Variants in OTOA observed in about 807,000 individuals in gnomAD.
The protein encoded by OTOA is cancer/testis antigen 108.
A neutral mutation model predicts 110.8 loss-of-function variants in OTOA; 70 were observed. That is an observed-to-expected ratio of 0.63 (90% CI 0.52 to 0.77). The LOEUF is 0.77. Ranked by LOEUF, OTOA falls within the 30% of genes least tolerant of loss-of-function variation. The pLI is 0.00. For synonymous variants in OTOA, 373 were observed against 431.5 expected, an observed-to-expected ratio of 0.86 and a Z score of 1.68; for missense variants, 917 against 1,075.8, an observed-to-expected ratio of 0.85 and a Z score of 2.06.
intron 18 of OTOA, among the ~76,000 whole-genome samples, chr16:21,724,305 G>A (rs1258820264): frequency 6.6e-6 from 1 of 152,148 alleles, no homozygotes; most frequent in African/African-American, 2.4e-5. Flanking sequence ...GAGAGACAGG[G>A]GAGACCGAAC....
At chr16:21,697,037 CTTTTTTTTTTTT>C (rs56124254) in intron 9 of OTOA, among the ~76,000 whole-genome samples, 3 of 65,034 alleles carry the variant, frequency 4.6e-5, no homozygotes, top group Non-Finnish European at 5.3e-5. Flanking sequence ...CTACAGCTGG[CTTTTTTTTTTTT>C]TTTTTTTTTT....
intron 1 of OTOA, among the ~76,000 whole-genome samples, chr16:21,666,287 A>G (rs1248896476): frequency 6.9e-6 from 1 of 144,214 alleles, no homozygotes; most frequent in Non-Finnish European, 1.5e-5. Flanking sequence ...AGCTAGTGTC[A>G]GTATGCCTAG....
intron 1 of OTOA, among the ~76,000 whole-genome samples, chr16:21,674,896 CTTTTTTTTTTT>C (rs60269668): frequency 3.4e-5 from 1 of 29,786 alleles, no homozygotes; most frequent in East Asian, 1.4e-3. Context: ...TTTTAAAAAT[CTTTTTTTTTTT>C]TTTTTTTTTT....
intron 11 of OTOA, 70 bp from the exon 12 acceptor site, chr16:21,705,099 A>G: frequency 6.2e-7 from 1 of 1,612,078 alleles, no homozygotes. Context: ...ATTTTATTAC[A>G]CAAAATTGAA....
Position 21,697,873 on chromosome 16 carries a change from GAAGT to G in OTOA, c.840+3_840+6del, listed in dbSNP as rs1567373874. The G allele has an allele frequency of 1.2e-6, 2 of 1,612,356 alleles. No individual in the cohort carries two copies. Among genetic ancestry groups the G allele is most frequent in the East Asian group, 2.2e-5 (1 of 44,862 alleles). On this transcript the variant is annotated splice_donor_variant and coding_sequence_variant, in exon 10 of 29. Coordinates refer to ENST00000646100, the MANE Select transcript of OTOA (RefSeq NM_144672.4). LOFTEE classifies it high-confidence loss of function. ...AGAAATTACGAAAATTAGTCCTATA[GAAGT>G]AAGTTGGAAAAGTACATTTATATGT...
At chr16:21,758,496 G>A (rs1400523605) in intron 28 of OTOA, among the ~76,000 whole-genome samples, 5 of 148,394 alleles carry the variant, frequency 3.4e-5, no homozygotes, top group East Asian at 2.0e-4. Flanking sequence ...AGTAGGTACC[G>A]GCATGGGCAA....
In OTOA at chr16:21,736,285, G is replaced by A. The variant is rs748833245; in HGVS notation, c.2326G>A (p.Ala776Thr). 6 of 1,613,818 alleles carry A rather than the reference G, an allele frequency of 3.7e-6. No homozygotes were observed. In the Admixed American group the frequency reaches 1.0e-4, roughly 27 times the overall value. Residue 776 changes from alanine to threonine, a missense_variant, in exon 22 of 29, where the codon GCT becomes ACT. By Grantham distance (58) the Ala-to-Thr change is moderately conservative (BLOSUM62 0). This residue lies in a region of OTOA where 57 missense variants were observed against 59.7 expected (regional missense o/e 0.96). Coordinates refer to ENST00000646100, the MANE Select transcript of OTOA (RefSeq NM_144672.4). ...GTTTCCTGAGATCCTTCTGCAAGCA[G>A]CTTCCAAGATGGCCAGGACCCTGCC... is the stretch of plus-strand genomic sequence containing the variant. The part of the protein sequence containing the change: ...TKFPEILLQA[A>T]SKMARTLPTK...
At chr16:21,667,894 C>A (rs774957693) in intron 1 of OTOA, among the ~76,000 whole-genome samples, 5 of 152,036 alleles carry the variant, frequency 3.3e-5, no homozygotes, top group Non-Finnish European at 5.9e-5. Context: ...ATTTAAACAA[C>A]CTAAAAAATC....
At chr16:21,710,228 A>G in intron 13 of OTOA, 125 bp downstream of exon 13, 1 of 1,076,506 alleles carries the variant, frequency 9.3e-7, no homozygotes, top group Non-Finnish European at 1.4e-6. Flanking sequence ...TATTTCTCAC[A>G]GTTCTGGAGA....
intron 13 of OTOA, among the ~76,000 whole-genome samples, chr16:21,714,460 C>CTTCT (rs71151654): frequency 0.83 from 114,080 of 137,810 alleles, 47,645 homozygotes; most frequent in Non-Finnish European, 0.87. Context: ...CTCTCTCTCT[C>CTTCT]TTCTTTCTTT....
Position 21,688,062 on chromosome 16 carries a change from G to A in OTOA, c.635+414G>A, listed in dbSNP as rs182314443. Among the ~76,000 whole-genome samples, 39 of 152,224 alleles carry A rather than the reference G, an allele frequency of 2.6e-4. 1 individual carries two copies. The East Asian group carries it at 6.8e-3, about 26-fold the overall frequency. On this transcript the variant is annotated intron_variant, in intron 8 of 28. Transcript: ENST00000646100. ...GCAGGGAGAAGACAAGTGGGGACAG[G>A]TTGATATGCACGTTTTGGAGCAAAA...
Position 21,685,411 on chromosome 16 carries a change from G to C in OTOA, c.399+50G>C. The C allele has an allele frequency of 2.5e-6, 4 of 1,600,474 alleles. No homozygotes were observed. The South Asian group carries it at 4.4e-5, about 18-fold the overall frequency. ...GATAGAGGAAGTCCAGCACCACGTGGTGTTTGTTGAATTGAATAAATGGAG... is the reference window on the plus strand; with the variant it reads ...GATAGAGGAAGTCCAGCACCACGTGCTGTTTGTTGAATTGAATAAATGGAG... On this transcript the variant is annotated intron_variant, in intron 7 of 28. Coordinates refer to ENST00000646100, the MANE Select transcript of OTOA (RefSeq NM_144672.4).
At chr16:21,713,167 G>A (rs1049536037) in intron 13 of OTOA, among the ~76,000 whole-genome samples, 1 of 152,120 alleles carries the variant, frequency 6.6e-6, no homozygotes, top group African/African-American at 2.4e-5. Context: ...ATTTTGCAAT[G>A]TTGCCCAGGC....
intron 1 of OTOA, among the ~76,000 whole-genome samples, chr16:21,671,582 A>G (rs1385382037): frequency 7.4e-6 from 1 of 134,422 alleles, no homozygotes; most frequent in Non-Finnish European, 1.6e-5. Context: ...GTAAGACTCC[A>G]TATCAAAAAA....
intron 9 of OTOA, among the ~76,000 whole-genome samples, chr16:21,692,675 C>T (rs1320436467): frequency 6.6e-6 from 1 of 152,060 alleles, no homozygotes; most frequent in Non-Finnish European, 1.5e-5. Flanking sequence ...TGCCTACAAT[C>T]CAGCACTTTG....
chr16:21,678,809 A>G, intron 2 of OTOA, 106 bp from the exon 3 acceptor site: 1 of 1,410,198 alleles, frequency 7.1e-7, no homozygotes, highest in Non-Finnish European at 1.0e-6. Context: ...TTCACTAAAA[A>G]TTTCCTTCAT....
Position 21,719,165 on chromosome 16 carries a change from C to T in OTOA, c.1662C>T (p.Thr554=), listed in dbSNP as rs766174858. The change falls in exon 16 of 29, where the codon ACC becomes ACT. Residue 554 remains threonine, a synonymous_variant. Transcript: ENST00000646100. ...ALFLYELLLK[T]TRRPEELLSA... is the part of the protein sequence containing the mutation. ...TCCTGTATGAGCTTCTGTTAAAGAC[C>T]ACCAGAAGGCCTGAGGAGCTTTTGA... is the stretch of plus-strand genomic sequence containing the variant. 17 of 1,613,924 alleles carry T rather than the reference C, an allele frequency of 1.1e-5. No individual in the cohort carries two copies. Among genetic ancestry groups the T allele is most frequent in the South Asian group, 2.2e-5 (2 of 91,082 alleles).
chr16:21,747,460 C>T (rs1278086261), intron 24 of OTOA: 4 of 97,256 alleles, frequency 4.1e-5, no homozygotes, highest in African/African-American at 9.7e-5. Flanking sequence ...TCAACTTTAG[C>T]TCCCAATCAA....
rs1898308694 is a variant in OTOA, at chr16:21,710,036, A to G, written c.1253A>G (p.Asn418Ser). 6.2e-7 allele frequency: 1 copy of G among 1,613,966 alleles called. No individual in the cohort carries two copies. Among genetic ancestry groups the G allele is most frequent in the Non-Finnish European group, 8.5e-7 (1 of 1,179,954 alleles). Residue 418 changes from asparagine (N) to serine (S), a missense_variant, in exon 13 of 29, where the codon AAC becomes AGC. Physicochemically the swap from Asn to Ser is conservative, Grantham distance 46 (BLOSUM62 1). This residue lies in a region of OTOA where 840 missense variants were observed against 910.2 expected (regional missense o/e 0.92). Coordinates refer to ENST00000646100, the MANE Select transcript of OTOA (RefSeq NM_144672.4). ...GTGCACGGAGCCATCTCCACCCTCA[A>G]CCAGGTCTCAGGTTGGGCCAAGAGC... ...EAVHGAISTL[N>S]QVSGWAKSQV...
Sources: gnomAD v4.1 joint callset for allele counts (sites outside exome capture counted in the v4.1 genomes callset) on GRCh38, gnomAD v4.1.1 for gene constraint, gnomAD v4.1.1 regional missense constraint, MANE v1.5 for transcripts, NCBI Gene and HGNC (gene_info 2026-07-23, HGNC 2026-07-21) for gene names.